The following SNTG2 variants were observed in gnomAD, a reference collection of about 807,000 sequenced individuals.
SNTG2 encodes syntrophin gamma 2.
SNTG2 carries 74 observed loss-of-function variants against 70.9 expected under a neutral mutation model. The observed-to-expected ratio is 1.04, with a 90% CI of 0.86 to 1.27. The LOEUF is 1.27. Among genes scored for constraint, SNTG2 ranks in the 50% most tolerant of loss-of-function variants. SNTG2 has a pLI of 0.00. For missense variants in SNTG2, 717 were observed against 690.7 expected (o/e 1.04, Z -0.43); for synonymous variants, 278 against 273.8 (o/e 1.02, Z -0.15).
At chr2:1,295,790 G>A (rs1680181826) in intron 14 of SNTG2, among the ~76,000 whole-genome samples, 1 of 151,880 alleles carries the variant, frequency 6.6e-6, no homozygotes, top group Non-Finnish European at 1.5e-5. Flanking sequence ...GGGTGGGAGG[G>A]TCAGGCAGAT....
At chr2:1,022,541 G>GTCCCTGAGTTCCCCTGAA (rs1336993471) in intron 1 of SNTG2, among the ~76,000 whole-genome samples, 2 of 151,990 alleles carry the variant, frequency 1.3e-5, no homozygotes, top group African/African-American at 2.4e-5. Context: ...ATTCCCGTCA[G>GTCCCTGAGTTCCCCTGAA]TCCCTGAGTT....
intron 1 of SNTG2, among the ~76,000 whole-genome samples, chr2:1,006,967 T>C (rs540945908): frequency 6.6e-6 from 1 of 152,118 alleles, no homozygotes; most frequent in South Asian, 2.1e-4. Context: ...AAGTGAAAGT[T>C]TCAGTGAGCC....
rs147286173 is a variant in SNTG2, at chr2:1,132,244, T to TACAC, written c.326-5377_326-5376insCACA. Among the ~76,000 whole-genome samples, 1,486 of 151,062 alleles carry TACAC rather than the reference T, an allele frequency of 9.8e-3. 12 individuals carry two copies. Among genetic ancestry groups the TACAC allele is most frequent in the Non-Finnish European group, 0.016 (1,060 of 67,558 alleles). ...ATGTGTATATATGTGTGTGTATATA[T>TACAC]ATACACACACACACACACATACATA... is the stretch of plus-strand genomic sequence containing the variant. On this transcript the variant is annotated intron_variant, in intron 4 of 16. Transcript: ENST00000308624.
intron 1 of SNTG2, among the ~76,000 whole-genome samples, chr2:1,065,879 C>T (rs941322066): frequency 2.6e-5 from 4 of 152,142 alleles, no homozygotes; most frequent in Admixed American, 6.5e-5. Context: ...AACTCACCTT[C>T]GTTTGGCTTT....
intron 16 of SNTG2, among the ~76,000 whole-genome samples, chr2:1,365,026 A>G (rs1169960811): frequency 6.6e-6 from 1 of 152,180 alleles, no homozygotes; most frequent in African/African-American, 2.4e-5. Context: ...ACATACATAC[A>G]TTGAATTACA....
At chr2:1,304,975 C>T (rs142025741) in intron 14 of SNTG2, among the ~76,000 whole-genome samples, 244 of 151,794 alleles carry the variant, frequency 1.6e-3, no homozygotes, top group African/African-American at 5.1e-3. Flanking sequence ...TTTTATGTTT[C>T]GGTCACTTGT....
chr2:1,048,857 G>A (rs1037659010), intron 1 of SNTG2, among the ~76,000 whole-genome samples: 5 of 152,040 alleles, frequency 3.3e-5, no homozygotes, highest in African/African-American at 1.2e-4. Flanking sequence ...CTTTGATTTT[G>A]TTCATTCTTT....
chr2:1,033,540 A>G (rs141193293), intron 1 of SNTG2, among the ~76,000 whole-genome samples: 1 of 152,310 alleles, frequency 6.6e-6, no homozygotes, highest in East Asian at 1.9e-4. Flanking sequence ...ATGTTAAAAT[A>G]TCATAAAGCT....
intron 8 of SNTG2, among the ~76,000 whole-genome samples, chr2:1,178,815 CAT>C (rs1355455947): frequency 6.6e-6 from 1 of 152,202 alleles, no homozygotes; most frequent in Non-Finnish European, 1.5e-5. Flanking sequence ...ATGCTGGCCT[CAT>C]AAAATGAGTT....
chr2:1,131,596 C>G (rs1019314563), intron 4 of SNTG2, among the ~76,000 whole-genome samples: 1 of 152,072 alleles, frequency 6.6e-6, no homozygotes, highest in Non-Finnish European at 1.5e-5. Context: ...TCTTCTAGTT[C>G]ACACCTTTAT....
intron 1 of SNTG2, among the ~76,000 whole-genome samples, chr2:1,012,588 A>T (rs112950619): frequency 0.11 from 10,293 of 95,008 alleles, 574 homozygotes; most frequent in Middle Eastern, 0.17. Context: ...AGGATTTATA[A>T]GGGCAGAGAG....
chr2:1,223,655 G>T (rs964761107), intron 9 of SNTG2, among the ~76,000 whole-genome samples: 1 of 152,220 alleles, frequency 6.6e-6, no homozygotes, highest in African/African-American at 2.4e-5. Flanking sequence ...GACATCATTC[G>T]TATTGGGCCA....
At chr2:952,918 C>T (rs1415887013) in intron 1 of SNTG2, among the ~76,000 whole-genome samples, 1 of 152,134 alleles carries the variant, frequency 6.6e-6, no homozygotes, top group African/African-American at 2.4e-5. Context: ...TATTTTCTTA[C>T]CATAACTGCA....
intron 14 of SNTG2, among the ~76,000 whole-genome samples, chr2:1,274,736 C>T (rs948857815): frequency 2.0e-5 from 3 of 152,168 alleles, no homozygotes; most frequent in Non-Finnish European, 4.4e-5. Context: ...GACCATTGCA[C>T]ATTCACATTT....
intron 2 of SNTG2, among the ~76,000 whole-genome samples, chr2:1,085,885 C>A (rs1423268042): frequency 6.6e-6 from 1 of 152,068 alleles, no homozygotes; most frequent in African/African-American, 2.4e-5. Flanking sequence ...TTTATAAGTC[C>A]ATGTTGGTAC....
intron 6 of SNTG2, among the ~76,000 whole-genome samples, chr2:1,142,120 G>A (rs929352299): frequency 6.6e-6 from 1 of 152,194 alleles, no homozygotes; most frequent in African/African-American, 2.4e-5. Context: ...GAAATTGATT[G>A]AGAGCCCAGG....
rs373271846 is a variant in SNTG2 at position 952,108 on chromosome 2, C to T, written c.72+1040C>T. On this transcript the variant is annotated intron_variant, in intron 1 of 16. Transcript: ENST00000308624. ...GTAGCACCTTTCTGGGCTTTTACTACAAAATATGAAAATTAAATTTCATGT... is the reference window on the plus strand; with the variant it reads ...GTAGCACCTTTCTGGGCTTTTACTATAAAATATGAAAATTAAATTTCATGT... Among the ~76,000 whole-genome samples the T allele has an allele frequency of 3.9e-5, 6 of 152,286 alleles. No homozygotes were observed. The East Asian group carries it at 7.7e-4, about 20-fold the overall frequency.
At chr2:1,136,732 T>C (rs1040976155) in intron 4 of SNTG2, among the ~76,000 whole-genome samples, 1 of 152,234 alleles carries the variant, frequency 6.6e-6, no homozygotes, top group African/African-American at 2.4e-5. Context: ...GCCTTAGCTT[T>C]TGTGCAGAGT....
Position 1,137,756 on chromosome 2 carries a change from T to G in SNTG2, c.370-12T>G. On this transcript the variant is annotated splice_polypyrimidine_tract_variant and intron_variant, in intron 5 of 16. Coordinates refer to ENST00000308624, the MANE Select transcript of SNTG2 (RefSeq NM_018968.4). ...CGTTATTCTCAACATTCTTACTTTGTCATCTGTTCAGGTTAATGGCATACA... is the reference window on the plus strand; with the variant it reads ...CGTTATTCTCAACATTCTTACTTTGGCATCTGTTCAGGTTAATGGCATACA... 6.2e-7 allele frequency: 1 copy of G among 1,613,838 alleles called. No homozygotes were observed. Among genetic ancestry groups the G allele is most frequent in the Non-Finnish European group, 8.5e-7 (1 of 1,179,808 alleles).
Sources: allele counts gnomAD v4.1 joint callset (sites outside exome capture counted in the v4.1 genomes callset), GRCh38; gene constraint gnomAD v4.1.1; transcripts MANE v1.5; gene names NCBI Gene and HGNC (gene_info 2026-07-23, HGNC 2026-07-21).